Variants in ATG10 observed in about 807,000 individuals in gnomAD.
ATG10 encodes the protein autophagy related 10, also known as ubiquitin-like-conjugating enzyme ATG10.
In ATG10, 30 loss-of-function variants were observed where a neutral mutation model predicts 32.1. The observed-to-expected ratio is 0.94, with a 90% CI of 0.70 to 1.27. The LOEUF (loss-of-function observed/expected upper bound fraction) is 1.27, where lower values mean the gene tolerates loss of function less well. Ranked by LOEUF, ATG10 falls within the 50% of genes most tolerant of loss-of-function variation. ATG10 has a pLI of 0.00. For synonymous variants in ATG10, 87 were observed against 91.5 expected (o/e 0.95, Z 0.28); for missense variants, 233 against 262.3 (o/e 0.89, Z 0.77).
intron 3 of ATG10, among the ~76,000 whole-genome samples, chr5:82,076,098 G>A (rs1000059863): frequency 7.9e-5 from 12 of 152,098 alleles, no homozygotes; most frequent in African/African-American, 2.9e-4. Context: ...AGTTAGTGCC[G>A]ATACTTATAT....
At chr5:82,061,868 C>G (rs1165628372) in intron 3 of ATG10, among the ~76,000 whole-genome samples, 1 of 129,698 alleles carries the variant, frequency 7.7e-6, no homozygotes, top group Non-Finnish European at 1.5e-5. Flanking sequence ...CTCTGTCTCG[C>G]AGGCTGGAGT....
At position 82,185,541 on chromosome 5, in the gene ATG10, G is replaced by A. The variant is rs140905632; in HGVS notation, c.453+6954G>A. Among the ~76,000 whole-genome samples, 25 of 152,072 alleles carry A rather than the reference G, an allele frequency of 1.6e-4. No individual in the cohort carries two copies. The East Asian group carries it at 3.9e-3, about 24-fold the overall frequency. ...CCACTGAGTTCCTTTTGAAGACTTC[G>A]GAATGCCTAAAACATGCAAAAACAT... On this transcript the variant is annotated intron_variant, in intron 5 of 7. Transcript: ENST00000282185.
chr5:82,155,199 C>A (rs966762032), intron 3 of ATG10, among the ~76,000 whole-genome samples: 1 of 152,148 alleles, frequency 6.6e-6, no homozygotes, highest in Non-Finnish European at 1.5e-5. Context: ...ATGACTTTAG[C>A]CAAACTTCAG....
At chr5:81,993,336 C>CT (rs1554039309) in intron 2 of ATG10, among the ~76,000 whole-genome samples, 2,633 of 77,454 alleles carry the variant, frequency 0.034, 70 homozygotes, top group South Asian at 0.071. Flanking sequence ...TCCTTCCTTC[C>CT]TTCTTTCTTT....
intron 3 of ATG10, among the ~76,000 whole-genome samples, chr5:82,115,499 T>G (rs1765776615): frequency 1.3e-5 from 2 of 152,060 alleles, no homozygotes; most frequent in South Asian, 4.1e-4. Flanking sequence ...TAATAAACAG[T>G]ATTGAGTTGA....
chr5:82,142,652 C>T (rs1181484420), intron 3 of ATG10, among the ~76,000 whole-genome samples: 2 of 152,138 alleles, frequency 1.3e-5, no homozygotes, highest in African/African-American at 4.8e-5. Context: ...TAGAAAGATA[C>T]TGTGGCGGCA....
chr5:82,223,548 A>C (rs1479679058), intron 5 of ATG10, among the ~76,000 whole-genome samples: 1 of 152,206 alleles, frequency 6.6e-6, no homozygotes, highest in Non-Finnish European at 1.5e-5. Context: ...TAACCAACAA[A>C]TAGAGATTTA....
In ATG10 at chr5:82,125,895, A is replaced by C. The variant is rs552615977; in HGVS notation, c.217-38504A>C. Among the ~76,000 whole-genome samples the C allele has an allele frequency of 2.4e-4, 36 of 152,258 alleles. 1 individual carries two copies. The highest frequency in any genetic ancestry group is 2.2e-3 in the Admixed American group (33 of 15,284). ...TGGCCATTTTCACGATACTGATTCTAACTATCCATGAGCATGGAATGTTTT... is the reference window on the plus strand; with the variant it reads ...TGGCCATTTTCACGATACTGATTCTCACTATCCATGAGCATGGAATGTTTT... On this transcript the variant is annotated intron_variant, in intron 3 of 7. Transcript: ENST00000282185.
At chr5:82,163,359 C>A (rs1324439991) in intron 3 of ATG10, among the ~76,000 whole-genome samples, 1 of 152,124 alleles carries the variant, frequency 6.6e-6, no homozygotes, top group East Asian at 1.9e-4. Flanking sequence ...CCCCAGTGAA[C>A]TGACTGTGAG....
At chr5:82,252,818 T>C in intron 6 of ATG10, 159 bp downstream of exon 6, 1 of 573,012 alleles carries the variant, frequency 1.7e-6, no homozygotes, top group Non-Finnish European at 3.0e-6. Flanking sequence ...CTAAGAGTTT[T>C]AGATACAGTA....
At chr5:82,184,207 G>A (rs970810825) in intron 5 of ATG10, among the ~76,000 whole-genome samples, 3 of 152,150 alleles carry the variant, frequency 2.0e-5, no homozygotes, top group African/African-American at 4.8e-5. Context: ...CAAAGATTCT[G>A]TGTCTTAGTT....
At chr5:81,986,187 C>T (rs1410918666) in intron 1 of ATG10, among the ~76,000 whole-genome samples, 2 of 152,182 alleles carry the variant, frequency 1.3e-5, no homozygotes, top group Non-Finnish European at 2.9e-5. Context: ...GGTGAGCCAC[C>T]GCGCCCAGCC....
chr5:82,236,192 C>T (rs1746545015), intron 5 of ATG10, among the ~76,000 whole-genome samples: 1 of 151,952 alleles, frequency 6.6e-6, no homozygotes, highest in African/African-American at 2.4e-5. Context: ...AGTTGTGCAG[C>T]CGTGACTGTT....
chr5:82,133,035 A>G (rs1164053746), intron 3 of ATG10, among the ~76,000 whole-genome samples: 1 of 152,072 alleles, frequency 6.6e-6, no homozygotes, highest in Non-Finnish European at 1.5e-5. Context: ...GAATAAATGT[A>G]TTCTTTTGAG....
intron 2 of ATG10, chr5:82,009,628 T>A (rs1409162520): frequency 6.3e-7 from 1 of 1,590,652 alleles, no homozygotes; most frequent in East Asian, 2.2e-5. Flanking sequence ...GCAATGGTGA[T>A]CTTCTTGCTG....
At chr5:82,168,567 C>T (rs114220026) in intron 4 of ATG10, among the ~76,000 whole-genome samples, 1,700 of 152,156 alleles carry the variant, frequency 0.011, 30 homozygotes, top group African/African-American at 0.039. Flanking sequence ...GAATGGCTGT[C>T]CTTTATGGAG....
chr5:82,239,163 G>A (rs1746686325), intron 5 of ATG10, among the ~76,000 whole-genome samples: 1 of 152,142 alleles, frequency 6.6e-6, no homozygotes, highest in African/African-American at 2.4e-5. Context: ...ATGTAAAGTA[G>A]GTTCTGTCTC....
chr5:82,065,065 G>C (rs1357127061), intron 3 of ATG10, among the ~76,000 whole-genome samples: 1 of 152,190 alleles, frequency 6.6e-6, no homozygotes, highest in East Asian at 1.9e-4. Flanking sequence ...GACATTTATT[G>C]AGAGTAGGTA....
intron 5 of ATG10, among the ~76,000 whole-genome samples, chr5:82,244,019 C>A (rs1294824383): frequency 6.6e-6 from 1 of 152,098 alleles, no homozygotes; most frequent in East Asian, 1.9e-4. Context: ...GGGACTATCA[C>A]ATAGTAGGGC....
Sources: allele counts gnomAD v4.1 joint callset (sites outside exome capture counted in the v4.1 genomes callset), GRCh38; gene constraint gnomAD v4.1.1; transcripts MANE v1.5; gene names NCBI Gene and HGNC (gene_info 2026-07-23, HGNC 2026-07-21).